Variants in ASIC2 observed in about 807,000 individuals in gnomAD.
ASIC2 encodes the protein acid-sensing ion channel 2.
Under a neutral mutation model 57.3 loss-of-function variants are expected in ASIC2, and 25 were observed. The ratio of observed to expected loss-of-function variants is 0.44; its 90% CI spans 0.32 to 0.61. ASIC2 has a LOEUF of 0.61. Ranked by LOEUF, ASIC2 falls within the 20% of genes least tolerant of loss-of-function variation. The probability of loss-of-function intolerance (pLI) is 0.06; values close to 1 mark genes in which losing one functional copy is unlikely to be tolerated. For synonymous variants in ASIC2, 319 were observed against 307.5 expected, an observed-to-expected ratio of 1.04 and a Z score of -0.39; for missense variants, 641 against 738.1, an observed-to-expected ratio of 0.87 and a Z score of 1.52.
In ASIC2 at chr17:33,171,078, C is replaced by A. The variant is rs1293640528; in HGVS notation, c.709-59011G>T. 3.3e-5 allele frequency among the ~76,000 whole-genome samples: 5 copies of A among 152,184 alleles called. 1 individual carries two copies. ...TCTGCATGTTCAAGAAGATATCAAACCCCTCAATGGACTGGTGATTTGATG... is the reference window on the plus strand; with the variant it reads ...TCTGCATGTTCAAGAAGATATCAAAACCCTCAATGGACTGGTGATTTGATG... On this transcript the variant is annotated intron_variant, in intron 1 of 9. Coordinates refer to ENST00000225823, the MANE Select transcript of ASIC2 (RefSeq NM_183377.2).
intron 1 of ASIC2, among the ~76,000 whole-genome samples, chr17:33,553,617 G>A (rs1486802001): frequency 2.6e-5 from 4 of 152,174 alleles, no homozygotes; most frequent in South Asian, 2.1e-4. Context: ...GACTGCAGGC[G>A]TGAGCCACTG....
chr17:33,835,233 T>C (rs1913240210), intron 1 of ASIC2, among the ~76,000 whole-genome samples: 1 of 152,226 alleles, frequency 6.6e-6, no homozygotes, highest in Non-Finnish European at 1.5e-5. Flanking sequence ...TTTGCCTGAA[T>C]TTGGACAGGT....
At position 33,811,403 on chromosome 17, in the gene ASIC2, C is replaced by T. The variant is rs532998704; in HGVS notation, c.555+344575G>A. On this transcript the variant is annotated intron_variant, in intron 1 of 9. Coordinates refer to the ASIC2 transcript ENST00000359872. ...CGTCTTAGAGAGGAAAGGATTCACG[C>T]TCATATCCCTCCATGTGCTGGACAC... Among the ~76,000 whole-genome samples, 8 of 152,346 alleles carry T rather than the reference C, an allele frequency of 5.3e-5. No homozygotes were observed. In the East Asian group the frequency reaches 9.6e-4, roughly 18 times the overall value.
intron 1 of ASIC2, among the ~76,000 whole-genome samples, chr17:33,120,057 G>A (rs1199158309): frequency 1.3e-5 from 2 of 152,214 alleles, no homozygotes; most frequent in African/African-American, 2.4e-5. Flanking sequence ...GGCTCTGAGA[G>A]GCTGCATACC....
intron 1 of ASIC2, among the ~76,000 whole-genome samples, chr17:33,847,188 G>C (rs531221167): frequency 6.6e-6 from 1 of 151,536 alleles, no homozygotes; most frequent in Non-Finnish European, 1.5e-5. Flanking sequence ...AGCCTTACAG[G>C]AGAAAGTTTC....
chr17:33,182,915 A>G (rs1217255770), intron 1 of ASIC2, among the ~76,000 whole-genome samples: 3 of 152,202 alleles, frequency 2.0e-5, no homozygotes, highest in African/African-American at 7.2e-5. Flanking sequence ...TTTTCTTAAA[A>G]AAAGAGAATA....
At chr17:33,771,834 A>G (rs1161593380) in intron 1 of ASIC2, among the ~76,000 whole-genome samples, 2 of 152,248 alleles carry the variant, frequency 1.3e-5, no homozygotes, top group African/African-American at 4.8e-5. Context: ...TTAGATTTCC[A>G]TCACTTCAAA....
intron 1 of ASIC2, among the ~76,000 whole-genome samples, chr17:33,512,677 C>T (rs775035117): frequency 6.6e-6 from 1 of 152,194 alleles, no homozygotes; most frequent in Non-Finnish European, 1.5e-5. Context: ...TGAAGCTGCT[C>T]CAGGCTGCCT....
At chr17:33,897,703 C>T (rs1457885681) in intron 1 of ASIC2, among the ~76,000 whole-genome samples, 3 of 152,196 alleles carry the variant, frequency 2.0e-5, no homozygotes, top group Non-Finnish European at 2.9e-5. Context: ...TACCTTTGCT[C>T]GGATGTATCT....
intron 1 of ASIC2, among the ~76,000 whole-genome samples, chr17:33,448,420 G>A (rs1447708029): frequency 2.0e-5 from 3 of 152,144 alleles, no homozygotes; most frequent in Non-Finnish European, 2.9e-5. Context: ...TAAGGATCTC[G>A]AGATAAGGAA....
At chr17:33,884,155 C>G (rs1567745506) in intron 1 of ASIC2, among the ~76,000 whole-genome samples, 9 of 152,238 alleles carry the variant, frequency 5.9e-5, no homozygotes, top group South Asian at 2.1e-4. Context: ...TCCATCTGGG[C>G]TCTCTTGCTC....
chr17:33,803,642 A>G (rs1322453578), intron 1 of ASIC2, among the ~76,000 whole-genome samples: 1 of 150,008 alleles, frequency 6.7e-6, no homozygotes, highest in Non-Finnish European at 1.5e-5. Context: ...GTTTATCACA[A>G]GAACGGGAAT....
intron 1 of ASIC2, among the ~76,000 whole-genome samples, chr17:33,128,742 C>T (rs1213777994): frequency 6.6e-6 from 1 of 152,156 alleles, no homozygotes; most frequent in Admixed American, 6.5e-5. Flanking sequence ...AATTCCCAGG[C>T]TTGGAATTTC....
intron 1 of ASIC2, among the ~76,000 whole-genome samples, chr17:33,407,208 C>G (rs903573733): frequency 1.3e-5 from 2 of 152,210 alleles, no homozygotes; most frequent in Non-Finnish European, 2.9e-5. Flanking sequence ...TAAGAGTTCT[C>G]TAAGAAAATC....
intron 1 of ASIC2, among the ~76,000 whole-genome samples, chr17:34,131,379 G>A (rs908248791): frequency 6.6e-6 from 1 of 152,094 alleles, no homozygotes; most frequent in Non-Finnish European, 1.5e-5. Flanking sequence ...TAAATAAACT[G>A]CCAGCCCCCC....
At chr17:33,878,642 G>A (rs1471944435) in intron 1 of ASIC2, among the ~76,000 whole-genome samples, 1 of 152,236 alleles carries the variant, frequency 6.6e-6, no homozygotes, top group African/African-American at 2.4e-5. Context: ...TGGTGTACCT[G>A]AAAGTGATGG....
intron 1 of ASIC2, among the ~76,000 whole-genome samples, chr17:33,169,584 G>A (rs1351519393): frequency 1.3e-5 from 2 of 152,170 alleles, no homozygotes; most frequent in Non-Finnish European, 2.9e-5. Context: ...AAGGAATTTG[G>A]CTTTGAACTC....
At position 33,594,533 on chromosome 17, in the gene ASIC2, A is replaced by T. The variant is rs940048648; in HGVS notation, c.556-482466T>A. 3.3e-5 allele frequency among the ~76,000 whole-genome samples: 5 copies of T among 151,530 alleles called. 1 individual carries two copies. On this transcript the variant is annotated intron_variant, in intron 1 of 9. Transcript: ENST00000359872. Reference sequence around the variant, plus strand: ...CCAACAATTTTGGAAGGTAGACTTAAGTAGCTCTGTTTAGGCTGGGCACAG... The same window carrying T: ...CCAACAATTTTGGAAGGTAGACTTATGTAGCTCTGTTTAGGCTGGGCACAG...
At position 34,019,159 on chromosome 17, in the gene ASIC2, T is replaced by C. The variant is rs534244368; in HGVS notation, c.555+136819A>G. Among the ~76,000 whole-genome samples the C allele has an allele frequency of 3.3e-5, 5 of 152,050 alleles. No homozygotes were observed. In the East Asian group the frequency reaches 5.8e-4, roughly 18 times the overall value. On this transcript the variant is annotated intron_variant, in intron 1 of 9. Coordinates refer to the ASIC2 transcript ENST00000359872. Reference sequence around the variant, plus strand: ...TCCTGACCTCATGATCCGCCCTCCTTGGCCTCTCAAAGTGCGGGATTACAG... The same window carrying C: ...TCCTGACCTCATGATCCGCCCTCCTCGGCCTCTCAAAGTGCGGGATTACAG...
Sources: allele counts gnomAD v4.1 joint callset (sites outside exome capture counted in the v4.1 genomes callset), GRCh38; gene constraint gnomAD v4.1.1; transcripts MANE v1.5; gene names NCBI Gene and HGNC (gene_info 2026-07-23, HGNC 2026-07-21).